The following FAF1 variants were observed in gnomAD, a reference collection of about 807,000 sequenced individuals.
FAF1 encodes the protein Fas associated factor 1.
FAF1 carries 25 observed loss-of-function variants against 92.5 expected under a neutral mutation model. The ratio of observed to expected loss-of-function variants is 0.27; its 90% CI spans 0.20 to 0.38. FAF1 has a LOEUF of 0.38. Ranked by LOEUF, FAF1 falls within the 10% of genes least tolerant of loss-of-function variation. The pLI is 1.00. For missense variants in FAF1, 636 were observed against 793.3 expected, an observed-to-expected ratio of 0.80 and a Z score of 2.38; for synonymous variants, 234 against 273.2, an observed-to-expected ratio of 0.86 and a Z score of 1.42.
chr1:50,799,356 A>G (rs1661886474), intron 3 of FAF1, among the ~76,000 whole-genome samples: 1 of 152,160 alleles, frequency 6.6e-6, no homozygotes, highest in African/African-American at 2.4e-5. Flanking sequence ...AAATATGTCA[A>G]TTGCCCAGCA....
chr1:50,797,431 T>C (rs527830960), intron 3 of FAF1, among the ~76,000 whole-genome samples: 145 of 152,146 alleles, frequency 9.5e-4, no homozygotes, highest in Non-Finnish European at 1.8e-3. Flanking sequence ...CCAGGTGTAG[T>C]GGCTCATGCC....
chr1:50,694,672 T>C (rs1657106111), intron 7 of FAF1, among the ~76,000 whole-genome samples: 1 of 151,498 alleles, frequency 6.6e-6, no homozygotes, highest in South Asian at 2.1e-4. Flanking sequence ...TAGGCCAGGC[T>C]TGGTGGCTCA....
chr1:50,573,726 G>T (rs921073259), intron 12 of FAF1, among the ~76,000 whole-genome samples: 2 of 151,600 alleles, frequency 1.3e-5, no homozygotes, highest in Admixed American at 6.6e-5. Flanking sequence ...TTTCTGAGCA[G>T]ATGTTGGGAT....
chr1:50,612,361 T>C lies in FAF1; in HGVS notation c.745-16145A>G, dbSNP rs114469200. ...GCAGATTCCTCATTTTATTATAAGT[T>C]TGATAAATAAAGAGGTTCCGTTAGT... On this transcript the variant is annotated intron_variant, in intron 8 of 18. Transcript: ENST00000396153. 3,645 of 1,246,346 alleles carry C rather than the reference T, an allele frequency of 2.9e-3. 67 individuals carry two copies. The African/African-American group carries it at 0.044, about 15-fold the overall frequency. The allele number at this position is 1,246,346 out of a possible 1,614,324, so 77.2% of individuals were successfully genotyped here.
intron 1 of FAF1, among the ~76,000 whole-genome samples, chr1:50,950,016 T>A (rs1228954999): frequency 6.6e-6 from 1 of 152,182 alleles, no homozygotes; most frequent in African/African-American, 2.4e-5. Context: ...AAATTTATTT[T>A]TTTTTGTAGA....
At chr1:50,808,574 A>C (rs1662298182) in intron 2 of FAF1, among the ~76,000 whole-genome samples, 2 of 152,074 alleles carry the variant, frequency 1.3e-5, no homozygotes, top group African/African-American at 2.4e-5. Flanking sequence ...ACAGAGAAAA[A>C]TCTACCAAGC....
intron 7 of FAF1, 43 bp downstream of exon 7, chr1:50,705,743 A>G: frequency 9.0e-7 from 1 of 1,112,550 alleles, no homozygotes; most frequent in Non-Finnish European, 1.4e-6. Context: ...AACATTAGCT[A>G]TAATGAGCTA....
intron 4 of FAF1, among the ~76,000 whole-genome samples, chr1:50,784,028 G>A (rs1471231423): frequency 6.6e-6 from 1 of 152,062 alleles, no homozygotes; most frequent in African/African-American, 2.4e-5. Context: ...GAAATAAAAG[G>A]AAATAACCTC....
intron 1 of FAF1, among the ~76,000 whole-genome samples, chr1:50,864,712 C>T (rs1428969340): frequency 6.6e-6 from 1 of 151,892 alleles, no homozygotes; most frequent in Admixed American, 6.6e-5. Context: ...AAGACTTAAA[C>T]GTTAGATCTA....
At chr1:50,460,658 G>C (rs1006942970) in intron 18 of FAF1, among the ~76,000 whole-genome samples, 3 of 150,180 alleles carry the variant, frequency 2.0e-5, no homozygotes, top group African/African-American at 7.4e-5. Flanking sequence ...TTTTGAGGCA[G>C]GGCCTGGCTC....
At chr1:50,740,402 A>G (rs991134332) in intron 5 of FAF1, among the ~76,000 whole-genome samples, 4 of 152,148 alleles carry the variant, frequency 2.6e-5, no homozygotes, top group African/African-American at 9.7e-5. Context: ...CAAGCATGGA[A>G]CATATGGAAC....
intron 17 of FAF1, among the ~76,000 whole-genome samples, chr1:50,488,435 T>A (rs1358526112): frequency 2.6e-5 from 4 of 152,202 alleles, no homozygotes; most frequent in Non-Finnish European, 5.9e-5. Context: ...CTTGACATTT[T>A]AGCAAGCCAG....
intron 8 of FAF1, among the ~76,000 whole-genome samples, chr1:50,624,195 T>G (rs1648455208): frequency 6.6e-6 from 1 of 152,136 alleles, no homozygotes; most frequent in South Asian, 2.1e-4. Flanking sequence ...TCGCCCAGGC[T>G]GGGGTGGAGT....
At position 50,960,020 on chromosome 1, in the gene FAF1, G is replaced by A. The variant is rs1042100098; in HGVS notation, c.-209C>T. ...CACTCGGTAACCTTCAGGCGCCCCG[G>A]CCGCCCGCCTGCAACCTGCGGAGCC... On this transcript the variant is annotated 5_prime_UTR_variant, in exon 1 of 19. Coordinates refer to ENST00000396153, the MANE Select transcript of FAF1 (RefSeq NM_007051.3). 1.3e-4 allele frequency: 50 copies of A among 395,180 alleles called. No individual in the cohort carries two copies. The highest frequency in any genetic ancestry group is 9.9e-4 in the African/African-American group (48 of 48,520). 24.5% of individuals were successfully genotyped at this position (395,180 alleles called of 1,614,324 possible). A position where few individuals can be genotyped will look rare whatever the true frequency, so the allele number is the denominator to read the frequency against.
At chr1:50,724,315 A>ACACG (rs1282135290) in intron 6 of FAF1, among the ~76,000 whole-genome samples, 1 of 150,732 alleles carries the variant, frequency 6.6e-6, no homozygotes, top group Non-Finnish European at 1.5e-5. Context: ...ACACACACAC[A>ACACG]CACACACACA....
chr1:50,755,074 A>C (rs1453508371), intron 4 of FAF1, among the ~76,000 whole-genome samples: 2 of 152,032 alleles, frequency 1.3e-5, no homozygotes. Context: ...ATGTCCTCAC[A>C]TTTCCAACCA....
intron 12 of FAF1, 129 bp downstream of exon 12, chr1:50,582,489 T>G (rs934797454): frequency 1.1e-5 from 7 of 637,224 alleles, no homozygotes; most frequent in African/African-American, 1.8e-5. Flanking sequence ...GACATACAAA[T>G]TCGTGAAGAG....
At chr1:50,832,368 C>G (rs1644162376) in intron 2 of FAF1, among the ~76,000 whole-genome samples, 1 of 152,122 alleles carries the variant, frequency 6.6e-6, no homozygotes. Context: ...GCAGTAGCAA[C>G]AGGAACAAAT....
intron 17 of FAF1, among the ~76,000 whole-genome samples, chr1:50,486,966 T>A (rs968817719): frequency 6.6e-6 from 1 of 152,146 alleles, no homozygotes; most frequent in African/African-American, 2.4e-5. Context: ...TCAGAAAAAA[T>A]GTAGTATTTG....
Sources: allele counts gnomAD v4.1 joint callset (sites outside exome capture counted in the v4.1 genomes callset), GRCh38; gene constraint gnomAD v4.1.1; transcripts MANE v1.5; gene names NCBI Gene and HGNC (gene_info 2026-07-23, HGNC 2026-07-21).